ZHX3: variants seen among roughly 807,000 people sequenced by gnomAD.
ZHX3 encodes the protein zinc fingers and homeoboxes protein 3.
In ZHX3, 20 loss-of-function variants were observed where a neutral mutation model predicts 64.5. The ratio of observed to expected loss-of-function variants is 0.31; its 90% CI spans 0.22 to 0.45. ZHX3 has a LOEUF of 0.45. Among genes scored for constraint, ZHX3 ranks in the 20% least tolerant of loss-of-function variants. ZHX3 has a pLI of 1.00. For missense variants in ZHX3, 1,041 were observed against 1,195.8 expected (o/e 0.87, Z 1.91); for synonymous variants, 423 against 461.6 (o/e 0.92, Z 1.07).
At chr20:41,235,803 T>C (rs2040938883) in intron 2 of ZHX3, among the ~76,000 whole-genome samples, 1 of 152,162 alleles carries the variant, frequency 6.6e-6, no homozygotes, top group Non-Finnish European at 1.5e-5. Flanking sequence ...ATAAAGGGTA[T>C]TCAATTAGGA....
intron 3 of ZHX3, among the ~76,000 whole-genome samples, chr20:41,186,534 A>C (rs2036538545): frequency 6.6e-6 from 1 of 152,212 alleles, no homozygotes; most frequent in Non-Finnish European, 1.5e-5. Flanking sequence ...ATCACATGGT[A>C]ATATTCTATA....
rs1027975214 is a variant in ZHX3 at position 41,259,118 on chromosome 20, C to T, written c.-151+9872G>A. Among the ~76,000 whole-genome samples the T allele has an allele frequency of 2.6e-5, 4 of 152,152 alleles. 1 individual carries two copies. The South Asian group carries it at 6.2e-4, about 24-fold the overall frequency. On this transcript the variant is annotated intron_variant, in intron 2 of 3. Coordinates refer to ENST00000683867, the MANE Select transcript of ZHX3 (RefSeq NM_001384317.1). Reference sequence around the variant, plus strand: ...ATATTCCATATGAACCTTTTTTCCTCTTTTAATACCAATGGAGTCAGATAC... The same window carrying T: ...ATATTCCATATGAACCTTTTTTCCTTTTTTAATACCAATGGAGTCAGATAC...
chr20:41,273,582 T>C (rs1361122991), intron 1 of ZHX3, among the ~76,000 whole-genome samples: 1 of 152,204 alleles, frequency 6.6e-6, no homozygotes, highest in African/African-American at 2.4e-5. Context: ...AGATAACCAG[T>C]TGTACCTGCA....
intron 1 of ZHX3, among the ~76,000 whole-genome samples, chr20:41,289,177 AGAGACAGG>A (rs1043032039): frequency 2.0e-5 from 3 of 148,594 alleles, no homozygotes; most frequent in African/African-American, 7.5e-5. Flanking sequence ...ATTTTTTTGT[AGAGACAGG>A]GAGACAGGGT....
chr20:41,248,731 G>A (rs907411473), intron 2 of ZHX3, among the ~76,000 whole-genome samples: 6 of 152,126 alleles, frequency 3.9e-5, no homozygotes, highest in Non-Finnish European at 7.3e-5. Context: ...GTGGGCAATC[G>A]CTTTTGCAGT....
At chr20:41,299,375 G>A (rs1399257002) in intron 1 of ZHX3, among the ~76,000 whole-genome samples, 2 of 152,096 alleles carry the variant, frequency 1.3e-5, no homozygotes. Flanking sequence ...AGGCATCATT[G>A]CTTTTTTGCT....
chr20:41,294,323 A>T (rs1193573491), intron 1 of ZHX3, among the ~76,000 whole-genome samples: 1 of 152,240 alleles, frequency 6.6e-6, no homozygotes, highest in Non-Finnish European at 1.5e-5. Context: ...CCTTAAACTT[A>T]TGAGTAAATG....
At chr20:41,218,321 T>A (rs928580102) in intron 2 of ZHX3, among the ~76,000 whole-genome samples, 3 of 152,096 alleles carry the variant, frequency 2.0e-5, no homozygotes, top group Admixed American at 2.0e-4. Context: ...CACGCATGCT[T>A]GTAGTCACAG....
At chr20:41,306,198 TTCTCTGAAGCCACAGAGAAG>T (rs2044975383) in intron 1 of ZHX3, among the ~76,000 whole-genome samples, 2 of 152,206 alleles carry the variant, frequency 1.3e-5, no homozygotes, top group South Asian at 4.1e-4. Context: ...ATGCGACGCA[TTCTCTGAAGCCACAGAGAAG>T]TGAAAATACT....
chr20:41,283,149 T>C lies in ZHX3; in HGVS notation c.-244-14066A>G, dbSNP rs777661008. On this transcript the variant is annotated intron_variant, in intron 1 of 3. Coordinates refer to ENST00000683867, the MANE Select transcript of ZHX3 (RefSeq NM_001384317.1). ...GTCTTGAACTCCTGAGCTCAGGTGA[T>C]ACACTCGCCTTGGCCTTCCAAAGTA... 3.7e-4 allele frequency among the ~76,000 whole-genome samples: 56 copies of C among 152,210 alleles called. 1 individual carries two copies. Among genetic ancestry groups the C allele is most frequent in the Non-Finnish European group, 6.8e-4 (46 of 68,028 alleles).
rs199555985 is a variant in ZHX3 at position 41,275,109 on chromosome 20, G to C, written c.-244-6026C>G. 3.3e-5 allele frequency among the ~76,000 whole-genome samples: 5 copies of C among 152,240 alleles called. No homozygotes were observed. The East Asian group carries it at 7.7e-4, about 24-fold the overall frequency. On this transcript the variant is annotated intron_variant, in intron 1 of 3. Transcript: ENST00000683867. ...GGAGGCGGAGGTTGCAGTGAGCTCAGATTGTGCCATTGCACTCCAGCCTGG... is the reference window on the plus strand; with the variant it reads ...GGAGGCGGAGGTTGCAGTGAGCTCACATTGTGCCATTGCACTCCAGCCTGG...
At chr20:41,253,249 A>G (rs2042078190) in intron 2 of ZHX3, among the ~76,000 whole-genome samples, 1 of 133,110 alleles carries the variant, frequency 7.5e-6, no homozygotes, top group African/African-American at 3.8e-5. Context: ...CTACAGTAAA[A>G]AAAAAAAAAA....
chr20:41,310,417 T>A (rs976534469), intron 1 of ZHX3, among the ~76,000 whole-genome samples: 2 of 152,174 alleles, frequency 1.3e-5, no homozygotes, highest in Non-Finnish European at 2.9e-5. Context: ...ACCACCAGAC[T>A]TGGCACTTGC....
Position 41,203,039 on chromosome 20 carries a change from G to T in ZHX3, c.1878C>A (p.Ala626=). Residue 626 remains alanine (A), a synonymous_variant, in exon 3 of 4, where the codon GCC becomes GCA. Transcript: ENST00000683867. This position sits in a 1 kb window ranked among gnomAD's most constrained non-coding sequence, Gnocchi z 7.1. ...YKERAPEQLR[A]LESSFAQNPL... is the part of the protein sequence containing the mutation. ...GGTTTTGTGCAAAACTGCTCTCCAG[G>T]GCTCTGAGCTGCTCAGGGGCTCTCT... 6.2e-7 allele frequency: 1 copy of T among 1,614,122 alleles called. No homozygotes were observed. Among genetic ancestry groups the T allele is most frequent in the Non-Finnish European group, 8.5e-7 (1 of 1,180,030 alleles).
At chr20:41,248,812 C>G (rs1414073249) in intron 2 of ZHX3, among the ~76,000 whole-genome samples, 1 of 152,190 alleles carries the variant, frequency 6.6e-6, no homozygotes, top group Non-Finnish European at 1.5e-5. Context: ...GGAGAACAAA[C>G]TGTTCTCCAC....
intron 1 of ZHX3, among the ~76,000 whole-genome samples, chr20:41,274,096 G>T (rs2043274759): frequency 1.3e-5 from 2 of 152,114 alleles, no homozygotes; most frequent in South Asian, 4.1e-4. Flanking sequence ...TCACAAATAT[G>T]AAGTTTATAC....
intron 2 of ZHX3, among the ~76,000 whole-genome samples, chr20:41,206,585 G>A (rs1364714850): frequency 2.6e-5 from 4 of 152,050 alleles, no homozygotes; most frequent in African/African-American, 9.7e-5. Flanking sequence ...GAAATGAAGC[G>A]AGAAGTTTAG....
In ZHX3 at chr20:41,294,098, T is replaced by C. The variant is rs776510054; in HGVS notation, c.-245+23411A>G. ...CGAGGCTCCCCAGGGCTGGAAAGAA[T>C]GAGTTAAGAAAGGATGACCACCTCC... is the stretch of plus-strand genomic sequence containing the variant. On this transcript the variant is annotated intron_variant, in intron 1 of 3. Transcript: ENST00000683867. Among the ~76,000 whole-genome samples, 36 of 152,170 alleles carry C rather than the reference T, an allele frequency of 2.4e-4. 1 individual carries two copies. Among genetic ancestry groups the C allele is most frequent in the Non-Finnish European group, 1.9e-4 (13 of 68,006 alleles).
In ZHX3 at chr20:41,232,404, T is replaced by C. The variant is rs1290918930; in HGVS notation, c.-150-27338A>G. 2.0e-5 allele frequency among the ~76,000 whole-genome samples: 3 copies of C among 152,212 alleles called. No homozygotes were observed. The highest frequency in any genetic ancestry group is 4.4e-5 in the Non-Finnish European group (3 of 68,042). On this transcript the variant is annotated intron_variant, in intron 2 of 3. Transcript: ENST00000683867. The surrounding 1 kb of genome is among the most constrained non-coding windows in gnomAD (Gnocchi z 5.0). ...TAGCCATGTCTGAACTCATCTGTTA[T>C]GCTGGGAAAGCAGCAAGTGGGTAGG... is the stretch of plus-strand genomic sequence containing the variant.
Sources: allele counts gnomAD v4.1 joint callset (sites outside exome capture counted in the v4.1 genomes callset), GRCh38; gene constraint gnomAD v4.1.1; non-coding constraint Gnocchi (gnomAD v3.1); transcripts MANE v1.5; gene names NCBI Gene and HGNC (gene_info 2026-07-23, HGNC 2026-07-21).